NRXN3: variants seen among roughly 807,000 people sequenced by gnomAD.
The protein encoded by NRXN3 is neurexin 3.
NRXN3 carries 32 observed loss-of-function variants against 137.6 expected under a neutral mutation model. The observed-to-expected ratio is 0.23, with a 90% CI of 0.18 to 0.31. The LOEUF (loss-of-function observed/expected upper bound fraction) is 0.31, where lower values mean the gene tolerates loss of function less well. NRXN3 is among the 10% of genes least tolerant of loss of function. NRXN3 has a pLI of 1.00. For synonymous variants in NRXN3, 798 were observed against 784.5 expected, an observed-to-expected ratio of 1.02 and a Z score of -0.29; for missense variants, 1,574 against 2,062.5, an observed-to-expected ratio of 0.76 and a Z score of 4.59.
chr14:79,240,374 G>C lies in NRXN3; in HGVS notation c.3263-226847G>C, dbSNP rs184417424. ...TCCTCCCTGTTACCTTGCAAAGGTAGCCTCTCTTGGGAATCGCTCACTAAT... is the reference window on the plus strand; with the variant it reads ...TCCTCCCTGTTACCTTGCAAAGGTACCCTCTCTTGGGAATCGCTCACTAAT... On this transcript the variant is annotated intron_variant, in intron 15 of 20. Coordinates refer to ENST00000335750, the MANE Select transcript of NRXN3 (RefSeq NM_001330195.2). Among the ~76,000 whole-genome samples the C allele has an allele frequency of 1.1e-4, 17 of 152,186 alleles. No individual in the cohort carries two copies. The East Asian group carries it at 2.9e-3, about 26-fold the overall frequency.
intron 8 of NRXN3, among the ~76,000 whole-genome samples, chr14:78,769,699 G>A (rs1394837142): frequency 6.6e-6 from 1 of 152,228 alleles, no homozygotes; most frequent in Non-Finnish European, 1.5e-5. Flanking sequence ...TAACCATGCT[G>A]TAAGGCAGAA....
chr14:79,852,839 G>T (rs1287631946), intron 20 of NRXN3, among the ~76,000 whole-genome samples: 2 of 151,018 alleles, frequency 1.3e-5, no homozygotes, highest in Non-Finnish European at 2.9e-5. Flanking sequence ...CTTCTTGTTT[G>T]GGAATTAAGT....
chr14:79,607,887 T>G (rs2098042832), intron 16 of NRXN3, among the ~76,000 whole-genome samples: 1 of 151,998 alleles, frequency 6.6e-6, no homozygotes, highest in Non-Finnish European at 1.5e-5. Flanking sequence ...CCCAGGCTGG[T>G]CTAGAACTCC....
At chr14:78,987,258 A>C (rs2099508867) in intron 14 of NRXN3, among the ~76,000 whole-genome samples, 1 of 152,126 alleles carries the variant, frequency 6.6e-6, no homozygotes, top group Non-Finnish European at 1.5e-5. Flanking sequence ...ATTGAGAACC[A>C]CTGGTATAGT....
chr14:79,351,235 G>T (rs2093192441), intron 15 of NRXN3, among the ~76,000 whole-genome samples: 1 of 152,144 alleles, frequency 6.6e-6, no homozygotes, highest in South Asian at 2.1e-4. Context: ...CATTTAACTG[G>T]ATGTTTATGA....
intron 16 of NRXN3, among the ~76,000 whole-genome samples, chr14:79,487,600 A>C (rs541277850): frequency 6.6e-6 from 1 of 152,110 alleles, no homozygotes; most frequent in East Asian, 1.9e-4. Context: ...CTCTCTTTGC[A>C]TGGGGGATCT....
At chr14:78,767,520 G>T (rs1307517520) in intron 8 of NRXN3, among the ~76,000 whole-genome samples, 1 of 152,162 alleles carries the variant, frequency 6.6e-6, no homozygotes, top group East Asian at 1.9e-4. Context: ...CTGTCAACGT[G>T]CAATACCCCT....
chr14:79,724,452 A>G (rs2098867962), intron 19 of NRXN3, among the ~76,000 whole-genome samples: 2 of 152,126 alleles, frequency 1.3e-5, no homozygotes, highest in South Asian at 4.1e-4. Flanking sequence ...TGCCCCACAT[A>G]CAAAGGAGAC....
At chr14:78,206,197 T>C (rs1205598439) in intron 1 of NRXN3, among the ~76,000 whole-genome samples, 6 of 152,356 alleles carry the variant, frequency 3.9e-5, no homozygotes, top group South Asian at 4.1e-4. Context: ...TCTGACACCA[T>C]GGAGGAGTTT....
At chr14:78,800,786 T>A (rs142605423) in intron 8 of NRXN3, among the ~76,000 whole-genome samples, 1 of 152,224 alleles carries the variant, frequency 6.6e-6, no homozygotes, top group Non-Finnish European at 1.5e-5. Flanking sequence ...CACTTCTTTC[T>A]AGATATGAGG....
chr14:79,280,459 G>A (rs753614911), intron 15 of NRXN3: 35 of 1,613,908 alleles, frequency 2.2e-5, no homozygotes, highest in Admixed American at 1.7e-4. Flanking sequence ...CTCAGCACGA[G>A]CACCATTTCC....
chr14:78,311,398 A>C (rs1372045043), intron 4 of NRXN3, among the ~76,000 whole-genome samples: 3 of 152,186 alleles, frequency 2.0e-5, no homozygotes, highest in Non-Finnish European at 4.4e-5. Context: ...CCTCCATTGC[A>C]AGAGGGAATC....
chr14:79,360,498 A>G (rs2093646449), intron 15 of NRXN3, among the ~76,000 whole-genome samples: 1 of 152,216 alleles, frequency 6.6e-6, no homozygotes, highest in South Asian at 2.1e-4. Context: ...AGCATCTACT[A>G]TGTGCCAATG....
chr14:79,474,419 AC>A (rs1245602301), intron 16 of NRXN3, among the ~76,000 whole-genome samples: 1 of 152,140 alleles, frequency 6.6e-6, no homozygotes, highest in Admixed American at 6.6e-5. Flanking sequence ...GTCTGCTTGG[AC>A]TTTTTAGGCA....
intron 10 of NRXN3, among the ~76,000 whole-genome samples, chr14:78,906,436 A>G (rs1379599155): frequency 6.6e-6 from 1 of 151,968 alleles, no homozygotes. Context: ...TCCTGACACC[A>G]CTCAAATATC....
In NRXN3 at chr14:78,379,239, A is replaced by G. The variant is rs76620635; in HGVS notation, c.757+81379A>G. Among the ~76,000 whole-genome samples the G allele has an allele frequency of 8.2e-3, 1,244 of 152,312 alleles. 42 individuals are homozygous for G. In the East Asian group the frequency reaches 0.084, roughly 10 times the overall value. ...AAGCTCTTCTAGAAAATAGAAAAGGAGAAATCTCTTCCCTATTTATTTTAT... is the reference window on the plus strand; with the variant it reads ...AAGCTCTTCTAGAAAATAGAAAAGGGGAAATCTCTTCCCTATTTATTTTAT... On this transcript the variant is annotated intron_variant, in intron 4 of 20. Transcript: ENST00000335750.
chr14:78,224,948 A>G (rs2064341623), intron 1 of NRXN3, among the ~76,000 whole-genome samples: 1 of 124,702 alleles, frequency 8.0e-6, no homozygotes, highest in Non-Finnish European at 1.7e-5. Flanking sequence ...TTGTATTTTT[A>G]GTAGAGACGG....
intron 4 of NRXN3, among the ~76,000 whole-genome samples, chr14:78,508,191 C>T (rs910228936): frequency 6.6e-6 from 1 of 152,180 alleles, no homozygotes; most frequent in African/African-American, 2.4e-5. Flanking sequence ...GTGACTAAGA[C>T]AGAAATTCTG....
chr14:79,601,894 C>T (rs2097926609), intron 16 of NRXN3, among the ~76,000 whole-genome samples: 1 of 152,132 alleles, frequency 6.6e-6, no homozygotes, highest in South Asian at 2.1e-4. Flanking sequence ...CCCAGGAGAA[C>T]CCAGACCGAA....
Sources: allele counts gnomAD v4.1 joint callset (sites outside exome capture counted in the v4.1 genomes callset), GRCh38; gene constraint gnomAD v4.1.1; transcripts MANE v1.5; gene names NCBI Gene and HGNC (gene_info 2026-07-23, HGNC 2026-07-21).